Variants in ESPN observed in about 807,000 individuals in gnomAD.
ESPN encodes the protein autosomal recessive deafness type 36 protein.
A neutral mutation model predicts 77.7 loss-of-function variants in ESPN; 68 were observed. The observed-to-expected ratio is 0.87, with a 90% CI of 0.72 to 1.07. ESPN has a LOEUF of 1.07. Among genes scored for constraint, ESPN ranks in the 50% least tolerant of loss-of-function variants. The probability of loss-of-function intolerance (pLI) is 0.00; values close to 1 mark genes in which losing one functional copy is unlikely to be tolerated. For synonymous variants in ESPN, 449 were observed against 567.1 expected (o/e 0.79, Z 2.96); for missense variants, 1,060 against 1,239.0 (o/e 0.86, Z 2.17).
chr1:6,459,984 T>G lies in ESPN; in HGVS notation c.2418-15T>G. ...CCAGACTTCACCGGGTCTGCCCCCC[T>G]CCCCACTGCCTCAGGAAAGAGGAGG... On this transcript the variant is annotated splice_polypyrimidine_tract_variant and intron_variant, in intron 12 of 12. Coordinates refer to ENST00000645284, the MANE Select transcript of ESPN (RefSeq NM_031475.3). 1 of 1,612,624 alleles carries G rather than the reference T, an allele frequency of 6.2e-7. No homozygotes were observed. Among genetic ancestry groups the G allele is most frequent in the Non-Finnish European group, 8.5e-7 (1 of 1,179,856 alleles).
intron 12 of ESPN, among the ~76,000 whole-genome samples, chr1:6,458,932 CAA>C (rs543092506): frequency 3.3e-4 from 38 of 113,876 alleles, no homozygotes; most frequent in African/African-American, 6.9e-4. Context: ...GACTCCATTT[CAA>C]AAAAAAAAAA....
At chr1:6,431,270 G>A (rs776313995) in intron 2 of ESPN, among the ~76,000 whole-genome samples, 1 of 152,166 alleles carries the variant, frequency 6.6e-6, no homozygotes, top group Non-Finnish European at 1.5e-5. Flanking sequence ...CTCCTTCCCC[G>A]AAAGCCTCCC....
In ESPN at chr1:6,427,591, A is replaced by AG. The variant is rs1224160015; in HGVS notation, c.295-631dup. On this transcript the variant is annotated intron_variant, in intron 1 of 12. Transcript: ENST00000645284. This position sits in a 1 kb window ranked among gnomAD's most constrained non-coding sequence, Gnocchi z 4.6. ...AGTACCCAGCAACTTCCACCTCCAC[A>AG]GGGGCGAGAACACAGGCTGCTCCTG... Among the ~76,000 whole-genome samples, 1 of 152,092 alleles carries AG rather than the reference A, an allele frequency of 6.6e-6. No homozygotes were observed. Among genetic ancestry groups the AG allele is most frequent in the Admixed American group, 6.5e-5 (1 of 15,274 alleles).
At chr1:6,432,918 C>G (rs1351062511) in intron 2 of ESPN, among the ~76,000 whole-genome samples, 1 of 146,650 alleles carries the variant, frequency 6.8e-6, no homozygotes, top group East Asian at 2.0e-4. Flanking sequence ...GTCAGGAGTT[C>G]AAGACCAGCC....
At chr1:6,457,152 G>T in intron 10 of ESPN, 32 bp from the exon 11 acceptor site, 1 of 1,567,712 alleles carries the variant, frequency 6.4e-7, no homozygotes, top group Non-Finnish European at 8.7e-7. Flanking sequence ...CCCAGCCCCT[G>T]CAGGCCCTGA....
chr1:6,456,840 T>C (rs922095156), intron 10 of ESPN, among the ~76,000 whole-genome samples: 6 of 152,188 alleles, frequency 3.9e-5, no homozygotes, highest in African/African-American at 1.2e-4. Context: ...GGGGGCTGGC[T>C]GGCATCTGCG....
At chr1:6,455,689 G>T in intron 10 of ESPN, 1 of 399,098 alleles carries the variant, frequency 2.5e-6, no homozygotes. Context: ...GGCCTGAGCC[G>T]CGAGGAGCGC....
intron 10 of ESPN, among the ~76,000 whole-genome samples, chr1:6,452,473 G>A (rs924611795): frequency 5.3e-5 from 8 of 152,152 alleles, no homozygotes; most frequent in South Asian, 2.1e-4. Flanking sequence ...AGGGAAAGCA[G>A]GGTGGTACAA....
rs1485515381 is a variant in ESPN at position 6,447,755 on chromosome 1, G to T, written c.1465-886G>T. 6.6e-6 allele frequency among the ~76,000 whole-genome samples: 1 copy of T among 152,154 alleles called. No homozygotes were observed. Among genetic ancestry groups the T allele is most frequent in the African/African-American group, 2.4e-5 (1 of 41,448 alleles). The stretch of plus-strand genomic sequence containing the variant: ...GTGGGGACGCGACCCGGAGCCGGGG[G>T]CCAAATATGAGAGGCCTCCTCTGCC... On this transcript the variant is annotated intron_variant, in intron 7 of 12. Transcript: ENST00000645284. The surrounding 1 kb of genome is among the most constrained non-coding windows in gnomAD (Gnocchi z 5.2).
intron 10 of ESPN, chr1:6,456,078 G>T (rs994972592): frequency 5.1e-6 from 2 of 391,080 alleles, no homozygotes; most frequent in Non-Finnish European, 9.0e-6. Flanking sequence ...AGCCCCCGCC[G>T]AAGACCCCTT....
chr1:6,461,209 G>A (rs1308351436), downstream of ESPN: 16 of 726,190 alleles, frequency 2.2e-5, 1 homozygote, highest in South Asian at 1.8e-4. The surrounding 1 kb of genome is among the most constrained non-coding windows in gnomAD (Gnocchi z 6.3). Context: ...GCCAAACTCC[G>A]GCCGAGAAGT....
At position 6,460,320 on chromosome 1, in the gene ESPN, G is replaced by A. The variant is rs568349878; in HGVS notation, c.*174G>A. On this transcript the variant is annotated 3_prime_UTR_variant, in exon 13 of 13. Coordinates refer to ENST00000645284, the MANE Select transcript of ESPN (RefSeq NM_031475.3). ...GTATCCCCAGCCCTTGGCAACACTGGAGTGCACACGCCGCCACGGTTGCCC... is the reference window on the plus strand; with the variant it reads ...GTATCCCCAGCCCTTGGCAACACTGAAGTGCACACGCCGCCACGGTTGCCC... 1 of 766,484 alleles carries A rather than the reference G, an allele frequency of 1.3e-6. No individual in the cohort carries two copies. Among genetic ancestry groups the A allele is most frequent in the South Asian group, 1.9e-5 (1 of 51,704 alleles). 47.5% of individuals were successfully genotyped at this position (766,484 alleles called of 1,614,324 possible). A position where few individuals can be genotyped will look rare whatever the true frequency, so the allele number is the denominator to read the frequency against.
chr1:6,461,234 A>T, downstream of ESPN: 1 of 744,514 alleles, frequency 1.3e-6, no homozygotes, highest in African/African-American at 1.7e-5. The surrounding 1 kb of genome is among the most constrained non-coding windows in gnomAD (Gnocchi z 6.3). Flanking sequence ...AAATGTCTTC[A>T]CCCCCTCTCG....
Position 6,424,983 on chromosome 1 carries a change from G to C in ESPN, c.28G>C (p.Ala10Pro), listed in dbSNP as rs934411593. The C allele has an allele frequency of 1.1e-5, 16 of 1,458,008 alleles. No homozygotes were observed. Among genetic ancestry groups the C allele is most frequent in the Non-Finnish European group, 1.4e-5 (16 of 1,110,060 alleles). 90.3% of individuals were successfully genotyped at this position (1,458,008 alleles called of 1,614,324 possible). A position where few individuals can be genotyped will look rare whatever the true frequency, so the allele number is the denominator to read the frequency against. The change falls in exon 1 of 13, where the codon GCG becomes CCG. Residue 10 changes from alanine (A) to proline (P), a missense_variant. By Grantham distance (27) the Ala-to-Pro change is conservative. Around this residue, in one of 3 missense-constraint regions of ESPN, gnomAD observed 556 missense variants for 633.6 expected, o/e 0.88. Transcript: ENST00000645284. ...GGCCCTGGAGCAGGCGCTGCAGGCG[G>C]CGCGGCAGGGCGAGCTGGACGTGCT... is the stretch of plus-strand genomic sequence containing the variant. MALEQALQAARQGELDVLRS... is the reference protein window; with the variant it reads MALEQALQAPRQGELDVLRS...
At position 6,425,259 on chromosome 1, in the gene ESPN, C is replaced by T. The variant is rs1193036330; in HGVS notation, c.294+10C>T. On this transcript the variant is annotated intron_variant, in intron 1 of 12. Coordinates refer to ENST00000645284, the MANE Select transcript of ESPN (RefSeq NM_031475.3). ...CGGCTGCAGAGTGCAGGTGGGTCCG[C>T]GCGGTTCGCCAGGGGCACTGAGGCT... 1.2e-5 allele frequency: 19 copies of T among 1,567,414 alleles called. No individual in the cohort carries two copies. The highest frequency in any genetic ancestry group is 2.7e-5 in the African/African-American group (2 of 74,042).
chr1:6,452,395 C>T (rs1172098250), intron 10 of ESPN, among the ~76,000 whole-genome samples: 6 of 152,012 alleles, frequency 3.9e-5, no homozygotes, highest in South Asian at 2.1e-4. Flanking sequence ...TTATTAGAGA[C>T]GGGGTTTCAC....
chr1:6,446,057 G>C, intron 7 of ESPN, 122 bp downstream of exon 7: 2 of 1,003,188 alleles, frequency 2.0e-6, no homozygotes, highest in Non-Finnish European at 3.0e-6. Flanking sequence ...TCCATGGCAT[G>C]TTCAAGAGTC....
intron 8 of ESPN, among the ~76,000 whole-genome samples, chr1:6,449,483 C>A (rs369947373): frequency 6.6e-6 from 1 of 152,198 alleles, no homozygotes; most frequent in Non-Finnish European, 1.5e-5. Context: ...GAGGGACACT[C>A]GAAGTAGAAC....
chr1:6,455,384 C>G, intron 10 of ESPN: 1 of 387,168 alleles, frequency 2.6e-6, no homozygotes, highest in African/African-American at 2.1e-5. Context: ...TGGCGGCTGC[C>G]GGTGCTGGCC....
Sources: allele counts gnomAD v4.1 joint callset (sites outside exome capture counted in the v4.1 genomes callset), GRCh38; gene constraint gnomAD v4.1.1; regional missense constraint gnomAD v4.1.1; non-coding constraint Gnocchi (gnomAD v3.1); transcripts MANE v1.5; gene names NCBI Gene and HGNC (gene_info 2026-07-23, HGNC 2026-07-21).